Variants in COL2A1 observed in about 807,000 individuals in gnomAD.
The protein encoded by COL2A1 is collagen alpha-1(II) chain.
A neutral mutation model predicts 204.5 loss-of-function variants in COL2A1; 28 were observed. The ratio of observed to expected loss-of-function variants is 0.14; its 90% confidence interval spans 0.10 to 0.19. The LOEUF is 0.19. Ranked by LOEUF, COL2A1 falls within the 10% of genes least tolerant of loss-of-function variation. The pLI is 1.00. For synonymous variants in COL2A1, 708 were observed against 718.7 expected (o/e 0.99, Z 0.24); for missense variants, 1,388 against 2,027.5 (o/e 0.68, Z 6.06).
At chr12:47,995,659 C>T in intron 10 of COL2A1, 51 bp downstream of exon 10, 1 of 1,561,954 alleles carries the variant, frequency 6.4e-7, no homozygotes, top group African/African-American at 1.4e-5. Context: ...TCCTAGTGGT[C>T]TATCATTAGA....
At chr12:47,995,677 C>G (rs780805613) in intron 10 of COL2A1, 33 bp downstream of exon 10, 2 of 1,608,426 alleles carry the variant, frequency 1.2e-6, no homozygotes, top group South Asian at 2.2e-5. Flanking sequence ...AGAGGCTCCC[C>G]CAGAGAAGGG....
Position 47,985,024 on chromosome 12 carries a change from T to G in COL2A1, c.1804A>C (p.Met602Leu). The G allele has an allele frequency of 6.2e-7, 1 of 1,614,004 alleles. No homozygotes were observed. The highest frequency in any genetic ancestry group is 1.1e-5 in the South Asian group (1 of 91,066). ...PQGARGQPGV[M>L]GFPGPKGANG... ...GCACCTTTGGGGCCAGGGAAACCCA[T>G]GACACCAGGCTGCCCACGAGCCCCC... Residue 602 changes from methionine (M) to leucine (L), a missense_variant, in exon 27 of 54, where the codon ATG becomes CTG. This residue lies in a region of COL2A1 where 884 missense variants were observed against 1,415.8 expected (regional missense o/e 0.62). Transcript: ENST00000380518.
At chr12:47,999,381 C>T (rs1940121667) in intron 2 of COL2A1, among the ~76,000 whole-genome samples, 1 of 152,200 alleles carries the variant, frequency 6.6e-6, no homozygotes. Context: ...AATTAATGGT[C>T]AACTCCAAGA....
chr12:47,994,417 C>T lies in COL2A1; in HGVS notation c.816+7G>A, dbSNP rs761217687. The T allele has an allele frequency of 1.7e-5, 27 of 1,613,968 alleles. No homozygotes were observed. The highest frequency in any genetic ancestry group is 1.1e-4 in the African/African-American group (8 of 74,920). On this transcript the variant is annotated splice_region_variant and intron_variant, in intron 12 of 53. Transcript: ENST00000380518. Reference sequence around the variant, plus strand: ...AGATGCCTGAGGCTGGGAACGGTGGCGTTTACCTGAGGACCAGGCGGACCC... The same window carrying T: ...AGATGCCTGAGGCTGGGAACGGTGGTGTTTACCTGAGGACCAGGCGGACCC...
At chr12:48,003,312 C>T (rs2136648852) in intron 1 of COL2A1, among the ~76,000 whole-genome samples, 1 of 152,212 alleles carries the variant, frequency 6.6e-6, no homozygotes, top group South Asian at 2.1e-4. Context: ...CTGACACACA[C>T]ATACACACAC....
chr12:47,986,738 G>A, intron 22 of COL2A1, 97 bp downstream of exon 22: 2 of 1,385,242 alleles, frequency 1.4e-6, no homozygotes, highest in Non-Finnish European at 2.1e-6. Context: ...TTGGGGGATA[G>A]AGCCCTGGAG....
chr12:47,989,945 G>C (rs955437134), intron 16 of COL2A1, 140 bp from the exon 17 acceptor site: 9 of 797,368 alleles, frequency 1.1e-5, no homozygotes, highest in East Asian at 5.0e-5. Context: ...CGAGGTGTGG[G>C]CTGCAGTTTT....
At chr12:47,977,479 G>A in intron 45 of COL2A1, 52 bp from the exon 46 acceptor site, 1 of 1,584,086 alleles carries the variant, frequency 6.3e-7, no homozygotes, top group Non-Finnish European at 8.7e-7. Flanking sequence ...GAAGAGACAG[G>A]AACAGAAGGT....
Position 48,004,449 on chromosome 12 carries a change from G to T in COL2A1, c.-128C>A, listed in dbSNP as rs1218243801. 14 of 592,148 alleles carry T rather than the reference G, an allele frequency of 2.4e-5. No individual in the cohort carries two copies. In the East Asian group the frequency reaches 4.1e-4, roughly 17 times the overall value. 36.7% of individuals were successfully genotyped at this position (592,148 alleles called of 1,614,324 possible). ...CCCTTGGAGCAGGAGGGGGAAGCGG[G>T]AGACCCGGCAGCCCAGCAGCGCTCT... On this transcript the variant is annotated 5_prime_UTR_variant, in exon 1 of 54. Coordinates refer to ENST00000380518, the MANE Select transcript of COL2A1 (RefSeq NM_001844.5).
At position 47,980,513 on chromosome 12, in the gene COL2A1, C is replaced by T. The variant is rs115030926; in HGVS notation, c.2625+41G>A. 1,247 of 1,538,138 alleles carry T rather than the reference C, an allele frequency of 8.1e-4. 16 individuals carry two copies. In the African/African-American group the frequency reaches 0.015, roughly 19 times the overall value. On this transcript the variant is annotated intron_variant, in intron 39 of 53. Coordinates refer to ENST00000380518, the MANE Select transcript of COL2A1 (RefSeq NM_001844.5). This position sits in a 1 kb window ranked among gnomAD's most constrained non-coding sequence, Gnocchi z 4.5. ...CCTTCCCATCTGCACGCCAGGAGCC[C>T]TTCCTTGAGGGAACAATTCTTGGAG...
At chr12:47,994,580 T>A in intron 11 of COL2A1, 103 bp from the exon 12 acceptor site, 1 of 1,236,608 alleles carries the variant, frequency 8.1e-7, no homozygotes, top group South Asian at 1.3e-5. Flanking sequence ...TGCCTTTGCC[T>A]ACCGGCTCAC....
intron 29 of COL2A1, 88 bp from the exon 30 acceptor site, chr12:47,983,824 G>C (rs1425911280): frequency 7.1e-7 from 1 of 1,399,606 alleles, no homozygotes; most frequent in Non-Finnish European, 9.9e-7. Context: ...GGTCAGCAGG[G>C]TGGGCAGCAC....
intron 53 of COL2A1, 50 bp downstream of exon 53, chr12:47,974,039 T>C (rs374716296): frequency 1.2e-6 from 2 of 1,613,894 alleles, no homozygotes; most frequent in East Asian, 4.5e-5. Context: ...TCAGCCCTGC[T>C]CCAGGCGGTT....
rs1323562951 is a variant in COL2A1 at position 47,974,140 on chromosome 12, C to G, written c.4266G>C (p.Arg1422=). The G allele has an allele frequency of 1.2e-6, 2 of 1,614,108 alleles. No homozygotes were observed. Among genetic ancestry groups the G allele is most frequent in the Non-Finnish European group, 1.7e-6 (2 of 1,180,040 alleles). Residue 1422 remains arginine (R), a synonymous_variant, in exon 53 of 54, where the codon CGG becomes CGC. Coordinates refer to ENST00000380518, the MANE Select transcript of COL2A1 (RefSeq NM_001844.5). ...ACGTGAACCTGCTATTGCCCTCTGC[C>G]CGGATCTCCACGTCATTGGAGCCCT... ...LIQGSNDVEI[R]AEGNSRFTYT... is the part of the protein sequence containing the mutation.
rs55698101 is a variant in COL2A1, at chr12:47,995,449, G to C, written c.709-141C>G. 46,882 of 850,216 alleles carry C rather than the reference G, an allele frequency of 0.055. 1,750 individuals are homozygous for C. Among genetic ancestry groups the C allele is most frequent in the Non-Finnish European group, 0.073 (36,197 of 493,760 alleles). The allele number at this position is 850,216 out of a possible 1,614,324, so 52.7% of individuals were successfully genotyped here. Reference sequence around the variant, plus strand: ...GGGAAGGTCAGAGCAAAGGTGCAGAGATCATAGTGGGACGCAGCAGATAGC... The same window carrying C: ...GGGAAGGTCAGAGCAAAGGTGCAGACATCATAGTGGGACGCAGCAGATAGC... On this transcript the variant is annotated intron_variant, in intron 10 of 53. Transcript: ENST00000380518.
intron 18 of COL2A1, among the ~76,000 whole-genome samples, chr12:47,988,017 G>A (rs149704289): frequency 3.3e-5 from 5 of 152,256 alleles, no homozygotes; most frequent in East Asian, 1.9e-4. Flanking sequence ...CTGTTCCATC[G>A]ACACCATCAG....
At chr12:47,994,183 C>T in intron 12 of COL2A1, 136 bp from the exon 13 acceptor site, 1 of 1,119,922 alleles carries the variant, frequency 8.9e-7, no homozygotes, top group Non-Finnish European at 1.4e-6. Flanking sequence ...ACAGCTCTTT[C>T]TGTAAAACCC....
At position 47,975,321 on chromosome 12, in the gene COL2A1, C is replaced by A. The variant is rs1938646610; in HGVS notation, c.3882G>T (p.Lys1294Asn). 5.0e-6 allele frequency: 8 copies of A among 1,613,884 alleles called. No individual in the cohort carries two copies. In the Admixed American group the frequency reaches 6.7e-5, roughly 13 times the overall value. Reference protein sequence around the residue: ...RDLKLCHPEWKSGDYWIDPNQ... With the variant: ...RDLKLCHPEWNSGDYWIDPNQ... ...GATCCTGTTCTCCAAGCTTACCACT[C>A]TTCCACTCAGGGTGGCAGAGTTTCA... The change falls in exon 51 of 54, where the codon AAG becomes AAT. Residue 1294 changes from lysine (K) to asparagine (N), a missense_variant. Physicochemically the swap from Lys to Asn is moderately conservative, Grantham distance 94. Around this residue, in one of 3 missense-constraint regions of COL2A1, gnomAD observed 303 missense variants for 369.2 expected, o/e 0.82. Coordinates refer to ENST00000380518, the MANE Select transcript of COL2A1 (RefSeq NM_001844.5).
At chr12:47,989,318 C>A in intron 17 of COL2A1, 37 bp from the exon 18 acceptor site, 1 of 1,582,452 alleles carries the variant, frequency 6.3e-7, no homozygotes, top group Non-Finnish European at 8.6e-7. Flanking sequence ...GAGGTGAATG[C>A]CAGTTCTGGC....
Sources: gnomAD v4.1 joint callset for allele counts (sites outside exome capture counted in the v4.1 genomes callset) on GRCh38, gnomAD v4.1.1 for gene constraint, gnomAD v4.1.1 regional missense constraint, Gnocchi (gnomAD v3.1) non-coding constraint, MANE v1.5 for transcripts, NCBI Gene and HGNC (gene_info 2026-07-23, HGNC 2026-07-21) for gene names.